The following AGAP1 variants were observed in gnomAD, a reference collection of about 807,000 sequenced individuals.
AGAP1 encodes ArfGAP with GTPase domain, ankyrin repeat and PH domain 1.
In AGAP1, 29 loss-of-function variants were observed where a neutral mutation model predicts 105.3. That is an observed-to-expected ratio of 0.28 (90% CI 0.21 to 0.38). The LOEUF is 0.38. AGAP1 is among the 10% of genes least tolerant of loss of function. AGAP1 has a pLI of 1.00. For missense variants in AGAP1, 998 were observed against 1,165.1 expected, an observed-to-expected ratio of 0.86 and a Z score of 2.09; for synonymous variants, 509 against 485.9, an observed-to-expected ratio of 1.05 and a Z score of -0.63.
chr2:235,808,052 A>G (rs1443129557), intron 9 of AGAP1, among the ~76,000 whole-genome samples: 1 of 152,198 alleles, frequency 6.6e-6, no homozygotes, highest in Non-Finnish European at 1.5e-5. Context: ...AAGAAAAAAA[A>G]AAAACCCTGG....
In AGAP1 at chr2:236,111,124, A is replaced by G. The variant is rs566201013; in HGVS notation, c.2115-9068A>G. ...ACCTTGGGGAGTTAGGATTTCAGCA[A>G]ATGGATTTGGGGTGACACAAACACA... is the stretch of plus-strand genomic sequence containing the variant. On this transcript the variant is annotated intron_variant, in intron 16 of 17. Transcript: ENST00000304032. Among the ~76,000 whole-genome samples, 6 of 152,298 alleles carry G rather than the reference A, an allele frequency of 3.9e-5. No individual in the cohort carries two copies. The South Asian group carries it at 1.2e-3, about 32-fold the overall frequency.
In AGAP1 at chr2:235,736,359, A is replaced by T. The variant is rs1952253449; in HGVS notation, c.311-4604A>T. On this transcript the variant is annotated intron_variant, in intron 3 of 17. Transcript: ENST00000304032. The surrounding 1 kb of genome is among the most constrained non-coding windows in gnomAD (Gnocchi z 5.5). ...CATTTTTGAAAATGAAGTTATGCTG[A>T]TGTCATTTAATCGTACGTCATCATA... 6.6e-6 allele frequency among the ~76,000 whole-genome samples: 1 copy of T among 152,028 alleles called. No individual in the cohort carries two copies.
rs1328391440 is a variant in AGAP1 at position 235,566,578 on chromosome 2, A to G, written c.163+71729A>G. The G allele has an allele frequency of 5.1e-6, 5 of 985,202 alleles. No individual in the cohort carries two copies. In the African/African-American group the frequency reaches 8.7e-5, roughly 17 times the overall value. The allele number at this position is 985,202 out of a possible 1,614,324, so 61.0% of individuals were successfully genotyped here. A position where few individuals can be genotyped will look rare whatever the true frequency, so the allele number is the denominator to read the frequency against. On this transcript the variant is annotated intron_variant, in intron 1 of 17. Coordinates refer to ENST00000304032, the MANE Select transcript of AGAP1 (RefSeq NM_001037131.3). The surrounding 1 kb of genome is among the most constrained non-coding windows in gnomAD (Gnocchi z 5.2). ...ATTTTATGGAACAGAGGACTAGATG[A>G]CCAGTGCTGTGAGTGGGCAGGTCTG...
chr2:235,494,751 C>A lies in AGAP1; in HGVS notation c.65C>A (p.Ser22Ter). The A allele has an allele frequency of 6.4e-7, 1 of 1,573,090 alleles. No individual in the cohort carries two copies. Residue 22 changes from serine to a stop codon, truncating the protein, a stop_gained, in exon 1 of 18, where the codon TCG becomes TAG. Coordinates refer to ENST00000304032, the MANE Select transcript of AGAP1 (RefSeq NM_001037131.3). LOFTEE classifies it high-confidence loss of function. ...AIRAEIQRFE[S>*]VHPNIYSIYE... The stretch of plus-strand genomic sequence containing the variant: ...CGGGCCGAGATCCAGCGCTTCGAGT[C>A]GGTCCACCCCAACATCTACTCCATC...
At chr2:235,849,127 A>G (rs559207158) in intron 9 of AGAP1, among the ~76,000 whole-genome samples, 25 of 152,348 alleles carry the variant, frequency 1.6e-4, no homozygotes, top group Admixed American at 5.2e-4. Flanking sequence ...ACGCCTTGCA[A>G]TAAAAGATGT....
intron 1 of AGAP1, among the ~76,000 whole-genome samples, chr2:235,511,919 T>C (rs1245494059): frequency 1.3e-5 from 2 of 151,216 alleles, no homozygotes; most frequent in African/African-American, 4.9e-5. Context: ...TGTGGATGTG[T>C]GTGAATGTGT....
chr2:235,547,932 G>A (rs974509677), intron 1 of AGAP1, among the ~76,000 whole-genome samples: 11 of 152,190 alleles, frequency 7.2e-5, no homozygotes, highest in African/African-American at 1.4e-4. Flanking sequence ...AAAAGAGCCC[G>A]GTGAAATTCC....
At position 235,882,463 on chromosome 2, in the gene AGAP1, C is replaced by T. The variant is rs908545619; in HGVS notation, c.1051-882C>T. 222 of 1,575,542 alleles carry T rather than the reference C, an allele frequency of 1.4e-4. No individual in the cohort carries two copies. The highest frequency in any genetic ancestry group is 2.3e-4 in the South Asian group (21 of 89,896). The stretch of plus-strand genomic sequence containing the variant: ...TTCAGCTTGGCCCTATTGAAGCTGG[C>T]GATTCCCCCCACGTCTGGTTTGTCT... On this transcript the variant is annotated intron_variant, in intron 9 of 17. Transcript: ENST00000304032. This position sits in a 1 kb window ranked among gnomAD's most constrained non-coding sequence, Gnocchi z 4.6.
intron 5 of AGAP1, among the ~76,000 whole-genome samples, chr2:235,749,508 G>C (rs945075123): frequency 6.6e-6 from 1 of 151,974 alleles, no homozygotes; most frequent in Non-Finnish European, 1.5e-5. Flanking sequence ...ACCCTGAGGG[G>C]GTCCATCAAA....
intron 16 of AGAP1, among the ~76,000 whole-genome samples, chr2:236,117,691 A>G (rs969324184): frequency 1.3e-5 from 2 of 152,226 alleles, no homozygotes; most frequent in African/African-American, 4.8e-5. Flanking sequence ...ATCTGGACGC[A>G]TCCTTCACCG....
chr2:236,116,389 G>A (rs1253346084), intron 16 of AGAP1, among the ~76,000 whole-genome samples: 9 of 140,492 alleles, frequency 6.4e-5, no homozygotes, highest in East Asian at 6.2e-4. Context: ...TTGCTCTGTC[G>A]CCCACGCTGG....
Position 235,845,821 on chromosome 2 carries a change from A to T in AGAP1, c.1051-37524A>T, listed in dbSNP as rs998582312. Among the ~76,000 whole-genome samples the T allele has an allele frequency of 1.3e-5, 2 of 151,638 alleles. No homozygotes were observed. Among genetic ancestry groups the T allele is most frequent in the South Asian group, 4.2e-4 (2 of 4,774 alleles). On this transcript the variant is annotated intron_variant, in intron 9 of 17. Transcript: ENST00000304032. The surrounding 1 kb of genome is among the most constrained non-coding windows in gnomAD (Gnocchi z 4.8). Reference sequence around the variant, plus strand: ...TCCCGTCGTGCCCTCCGAAGGAGTCATGCATGTGGTTTGGGGCCTGGATGT... The same window carrying T: ...TCCCGTCGTGCCCTCCGAAGGAGTCTTGCATGTGGTTTGGGGCCTGGATGT...
At chr2:235,718,481 CCTT>C (rs1951227662) in intron 3 of AGAP1, 1 of 804,526 alleles carries the variant, frequency 1.2e-6, no homozygotes, top group Non-Finnish European at 1.5e-6. Context: ...TCCCTTCCCT[CCTT>C]GTTCTGTGTA....
chr2:236,077,174 C>T (rs1196807055), intron 16 of AGAP1, among the ~76,000 whole-genome samples: 1 of 147,222 alleles, frequency 6.8e-6, no homozygotes, highest in African/African-American at 2.5e-5. Flanking sequence ...TATTCCAACC[C>T]CCGAGAGATA....
chr2:235,586,184 T>A lies in AGAP1; in HGVS notation c.163+91335T>A, dbSNP rs372459367. On this transcript the variant is annotated intron_variant, in intron 1 of 17. Coordinates refer to ENST00000304032, the MANE Select transcript of AGAP1 (RefSeq NM_001037131.3). This position sits in a 1 kb window ranked among gnomAD's most constrained non-coding sequence, Gnocchi z 4.2. ...CTCCGTGTAAGTCAACACTACCTTG[T>A]GTGTGTGCGCATACACACAAAGAGG... Among the ~76,000 whole-genome samples the A allele has an allele frequency of 5.9e-5, 9 of 152,286 alleles. No homozygotes were observed. Among genetic ancestry groups the A allele is most frequent in the African/African-American group, 2.2e-4 (9 of 41,566 alleles).
intron 1 of AGAP1, among the ~76,000 whole-genome samples, chr2:235,571,997 CACACA>C (rs1944539752): frequency 2.5e-5 from 3 of 121,302 alleles, no homozygotes; most frequent in African/African-American, 1.1e-4. Context: ...CACACACACA[CACACA>C]CTTTTTTTTT....
At position 235,983,872 on chromosome 2, in the gene AGAP1, A is replaced by G. The variant is rs1368420864; in HGVS notation, c.1645+15249A>G. 2.0e-5 allele frequency among the ~76,000 whole-genome samples: 3 copies of G among 152,256 alleles called. No homozygotes were observed. The highest frequency in any genetic ancestry group is 1.9e-4 in the East Asian group (1 of 5,198). ...CCTAACGACACATTTCTCAGAATGC[A>G]TCACTTAACGATGGGGATACATGGC... On this transcript the variant is annotated intron_variant, in intron 13 of 17. Transcript: ENST00000304032. This position sits in a 1 kb window ranked among gnomAD's most constrained non-coding sequence, Gnocchi z 4.5.
intron 16 of AGAP1, among the ~76,000 whole-genome samples, chr2:236,110,815 G>C (rs1559286165): frequency 6.6e-6 from 1 of 152,148 alleles, no homozygotes; most frequent in Non-Finnish European, 1.5e-5. Flanking sequence ...CTCTGGGGCT[G>C]CTATAACAAA....
At chr2:235,702,148 T>C (rs1224935543) in intron 1 of AGAP1, among the ~76,000 whole-genome samples, 2 of 152,114 alleles carry the variant, frequency 1.3e-5, no homozygotes, top group East Asian at 3.9e-4. Context: ...AATTGGGGGC[T>C]GGGCTGGGGG....
Sources: allele counts gnomAD v4.1 joint callset (sites outside exome capture counted in the v4.1 genomes callset), GRCh38; gene constraint gnomAD v4.1.1; non-coding constraint Gnocchi (gnomAD v3.1); transcripts MANE v1.5; gene names NCBI Gene and HGNC (gene_info 2026-07-23, HGNC 2026-07-21).